Variants in ASIC2 observed in about 807,000 individuals in gnomAD.
ASIC2 encodes acid-sensing ion channel 2.
ASIC2 carries 25 observed loss-of-function variants against 57.3 expected under a neutral mutation model. That is an observed-to-expected ratio of 0.44 (90% CI 0.32 to 0.61). ASIC2 has a LOEUF of 0.61. Ranked by LOEUF, ASIC2 falls within the 20% of genes least tolerant of loss-of-function variation. The probability of loss-of-function intolerance (pLI) is 0.06; values close to 1 mark genes in which losing one functional copy is unlikely to be tolerated. For missense variants in ASIC2, 641 were observed against 738.1 expected (o/e 0.87, Z 1.52); for synonymous variants, 319 against 307.5 (o/e 1.04, Z -0.39).
intron 1 of ASIC2, among the ~76,000 whole-genome samples, chr17:33,338,411 C>T (rs1040838968): frequency 3.3e-5 from 5 of 152,050 alleles, no homozygotes; most frequent in Non-Finnish European, 5.9e-5. Context: ...GTGGGAGGAA[C>T]GGCAGAAGTG....
At chr17:33,312,964 C>G (rs1049365195) in intron 1 of ASIC2, among the ~76,000 whole-genome samples, 3 of 152,156 alleles carry the variant, frequency 2.0e-5, no homozygotes, top group Non-Finnish European at 4.4e-5. Context: ...AGCAAAAACT[C>G]ACGATCTTCC....
chr17:33,621,495 G>A (rs369529705), intron 1 of ASIC2, among the ~76,000 whole-genome samples: 3 of 152,184 alleles, frequency 2.0e-5, no homozygotes, highest in Non-Finnish European at 2.9e-5. Context: ...GCCAGTGTAC[G>A]CTGGTTCATC....
At chr17:33,552,289 G>A (rs1054525769) in intron 1 of ASIC2, among the ~76,000 whole-genome samples, 1 of 152,228 alleles carries the variant, frequency 6.6e-6, no homozygotes, top group African/African-American at 2.4e-5. Context: ...CTGCCAGGCT[G>A]AGTGGGGCTG....
intron 1 of ASIC2, chr17:34,001,905 G>A (rs1196483386): frequency 6.6e-6 from 1 of 152,192 alleles, no homozygotes; most frequent in Admixed American, 6.5e-5. Context: ...TATGAGTTCT[G>A]AAAACTCCTA....
chr17:33,775,402 G>A (rs1481686723), intron 1 of ASIC2, among the ~76,000 whole-genome samples: 2 of 152,230 alleles, frequency 1.3e-5, no homozygotes, highest in African/African-American at 4.8e-5. Context: ...AGTATGAGTG[G>A]TAAGATACTA....
intron 1 of ASIC2, among the ~76,000 whole-genome samples, chr17:33,468,361 G>C (rs1183068717): frequency 6.6e-6 from 1 of 152,164 alleles, no homozygotes; most frequent in Non-Finnish European, 1.5e-5. Context: ...AATAAGCAGT[G>C]TATCCAGGGA....
At chr17:34,035,360 A>C (rs1907828630) in intron 1 of ASIC2, among the ~76,000 whole-genome samples, 1 of 145,648 alleles carries the variant, frequency 6.9e-6, no homozygotes, top group South Asian at 2.2e-4. Context: ...TTCCTTCCTT[A>C]CACCTTATAC....
intron 1 of ASIC2, among the ~76,000 whole-genome samples, chr17:33,698,911 GC>G (rs1417837662): frequency 6.6e-6 from 1 of 151,984 alleles, no homozygotes. Context: ...AAACGCAGAT[GC>G]CCCCCCTCTG....
chr17:33,452,354 T>TTAAATCAGATAGC (rs1326588598), intron 1 of ASIC2, among the ~76,000 whole-genome samples: 1 of 152,242 alleles, frequency 6.6e-6, no homozygotes, highest in Non-Finnish European at 1.5e-5. Flanking sequence ...TTTGGGAGGC[T>TTAAATCAGATAGC]TAAATCAGAT....
At chr17:34,005,378 GGATT>G (rs1054967009) in intron 1 of ASIC2, 1 of 151,862 alleles carries the variant, frequency 6.6e-6, no homozygotes, top group Non-Finnish European at 1.5e-5. Flanking sequence ...CAGTGAGTAT[GGATT>G]ATTTTTATAA....
intron 1 of ASIC2, among the ~76,000 whole-genome samples, chr17:33,394,781 T>A (rs552467314): frequency 2.6e-5 from 4 of 152,304 alleles, no homozygotes; most frequent in Admixed American, 1.3e-4. Flanking sequence ...GTCTTAAATG[T>A]TTCCCATGGA....
intron 1 of ASIC2, among the ~76,000 whole-genome samples, chr17:34,033,425 A>G (rs1161470657): frequency 6.6e-6 from 1 of 152,218 alleles, no homozygotes; most frequent in Non-Finnish European, 1.5e-5. Flanking sequence ...AAGATATAAA[A>G]TTGACATCCT....
At chr17:34,137,814 G>A (rs770927426) in intron 1 of ASIC2, among the ~76,000 whole-genome samples, 1 of 152,108 alleles carries the variant, frequency 6.6e-6, no homozygotes, top group Non-Finnish European at 1.5e-5. Flanking sequence ...GGAAGGAGGG[G>A]TGGGTCTCTC....
At chr17:33,160,717 A>T (rs760257790) in intron 1 of ASIC2, among the ~76,000 whole-genome samples, 2 of 152,184 alleles carry the variant, frequency 1.3e-5, no homozygotes, top group Admixed American at 6.5e-5. Flanking sequence ...GTTGATGGGA[A>T]GATGGCTGGG....
At chr17:34,013,021 G>A (rs1298338622) in intron 1 of ASIC2, among the ~76,000 whole-genome samples, 1 of 152,202 alleles carries the variant, frequency 6.6e-6, no homozygotes, top group Non-Finnish European at 1.5e-5. Flanking sequence ...GAGGGGGACA[G>A]CCTCACTGAA....
At chr17:33,576,060 T>A (rs1916612020) in intron 1 of ASIC2, among the ~76,000 whole-genome samples, 1 of 152,186 alleles carries the variant, frequency 6.6e-6, no homozygotes, top group African/African-American at 2.4e-5. Flanking sequence ...AACCAAACCA[T>A]TCAAGTAGCT....
chr17:33,647,253 G>A (rs1284925701), intron 1 of ASIC2, among the ~76,000 whole-genome samples: 2 of 152,182 alleles, frequency 1.3e-5, no homozygotes, highest in African/African-American at 2.4e-5. Flanking sequence ...GATTAAAAGT[G>A]GTAGCGTATG....
intron 1 of ASIC2, among the ~76,000 whole-genome samples, chr17:33,425,855 G>C (rs1911201002): frequency 6.6e-6 from 1 of 152,154 alleles, no homozygotes; most frequent in Non-Finnish European, 1.5e-5. Flanking sequence ...TGACTCCCAG[G>C]ATGTGCATAT....
At chr17:34,111,022 G>A (rs1030044848) in intron 1 of ASIC2, among the ~76,000 whole-genome samples, 3 of 151,942 alleles carry the variant, frequency 2.0e-5, no homozygotes, top group African/African-American at 4.8e-5. Context: ...TCAGGAGTTC[G>A]AAACCAGCCT....
Sources: gnomAD v4.1 joint callset for allele counts (sites outside exome capture counted in the v4.1 genomes callset) on GRCh38, gnomAD v4.1.1 for gene constraint, MANE v1.5 for transcripts, NCBI Gene and HGNC (gene_info 2026-07-23, HGNC 2026-07-21) for gene names.